The following RAB3GAP1 variants were observed in gnomAD, a reference collection of about 807,000 sequenced individuals.
RAB3GAP1 encodes the protein rab3 GTPase-activating protein catalytic subunit.
A neutral mutation model predicts 130.7 loss-of-function variants in RAB3GAP1; 86 were observed. That is an observed-to-expected ratio of 0.66 (90% CI 0.55 to 0.79). The LOEUF is 0.79. RAB3GAP1 is among the 30% of genes least tolerant of loss of function. The probability of loss-of-function intolerance (pLI) is 0.00; values close to 1 mark genes in which losing one functional copy is unlikely to be tolerated. For synonymous variants in RAB3GAP1, 367 were observed against 401.7 expected (o/e 0.91, Z 1.03); for missense variants, 1,029 against 1,169.4 (o/e 0.88, Z 1.75).
chr2:135,103,401 GT>G (rs1016611663), intron 5 of RAB3GAP1, among the ~76,000 whole-genome samples: 2 of 152,108 alleles, frequency 1.3e-5, no homozygotes, highest in African/African-American at 4.8e-5. Flanking sequence ...GAACCTGACA[GT>G]TTTGAGAAAC....
chr2:135,109,975 T>C (rs1690750912), intron 5 of RAB3GAP1, among the ~76,000 whole-genome samples: 1 of 152,108 alleles, frequency 6.6e-6, no homozygotes, highest in Non-Finnish European at 1.5e-5. Context: ...TGATTTTCGC[T>C]TATTTTTTTT....
Position 135,170,599 on chromosome 2 carries a change from ACT to A in RAB3GAP1, c.*1821_*1822del, listed in dbSNP as rs1163021836. 1 of 152,194 alleles carries A rather than the reference ACT, an allele frequency of 6.6e-6. No individual in the cohort carries two copies. The highest frequency in any genetic ancestry group is 2.4e-5 in the African/African-American group (1 of 41,452). 9.4% of individuals were successfully genotyped at this position (152,194 alleles called of 1,614,324 possible). On this transcript the variant is annotated 3_prime_UTR_variant, in exon 24 of 24. Coordinates refer to ENST00000264158, the MANE Select transcript of RAB3GAP1 (RefSeq NM_012233.3). ...TGCCACAAAATGTTGAGTATAGTCA[ACT>A]CTGCTGTGTGGATCGGAGGGCCTGC...
At position 135,130,978 on chromosome 2, in the gene RAB3GAP1, G is replaced by C. The variant is rs146921207; in HGVS notation, c.1236+257G>C. Among the ~76,000 whole-genome samples, 1,635 of 152,326 alleles carry C rather than the reference G, an allele frequency of 0.011. 15 individuals are homozygous for C. The highest frequency in any genetic ancestry group is 0.048 in the Middle Eastern group (14 of 294). ...GCATTTGTCTCTGTCTGGGCAGTGG[G>C]AATCAGGGAAGGCTTCATGAAGAGG... On this transcript the variant is annotated intron_variant, in intron 13 of 23. Transcript: ENST00000264158.
At chr2:135,093,739 G>A in intron 5 of RAB3GAP1, 46 bp downstream of exon 5, 1 of 1,394,154 alleles carries the variant, frequency 7.2e-7, no homozygotes, top group Non-Finnish European at 1.0e-6. Flanking sequence ...TGTGTTGCGG[G>A]GGACCTCAAC....
rs139028344 is a variant in RAB3GAP1, at chr2:135,114,805, G to A, written c.483-411G>A. ...CATCACAACCTTCTTGTGCTTGGGA[G>A]CCTTACTTTATCTTTAAATGATGTG... On this transcript the variant is annotated intron_variant, in intron 6 of 23. Coordinates refer to ENST00000264158, the MANE Select transcript of RAB3GAP1 (RefSeq NM_012233.3). 4.1e-3 allele frequency among the ~76,000 whole-genome samples: 622 copies of A among 152,274 alleles called. 7 individuals are homozygous for A. Among genetic ancestry groups the A allele is most frequent in the African/African-American group, 0.014 (600 of 41,550 alleles).
intron 5 of RAB3GAP1, among the ~76,000 whole-genome samples, chr2:135,112,455 A>G (rs768759790): frequency 6.6e-6 from 1 of 152,230 alleles, no homozygotes; most frequent in African/African-American, 2.4e-5. Flanking sequence ...GGATGAAGCA[A>G]TGAAGGCAAG....
chr2:135,141,664 CTTTTCTTTTGGAAG>C (rs1464349131), intron 17 of RAB3GAP1, among the ~76,000 whole-genome samples: 2 of 152,076 alleles, frequency 1.3e-5, no homozygotes, highest in Non-Finnish European at 2.9e-5. Flanking sequence ...AAGATATTTT[CTTTTCTTTTGGAAG>C]CTTTATTGTT....
chr2:135,064,637 G>A (rs577548497), intron 3 of RAB3GAP1, among the ~76,000 whole-genome samples: 1 of 148,792 alleles, frequency 6.7e-6, no homozygotes, highest in East Asian at 1.9e-4. Context: ...ATTATAGCTA[G>A]TCTAATGCCA....
chr2:135,146,199 CTT>C (rs1173567563), intron 17 of RAB3GAP1, among the ~76,000 whole-genome samples: 18 of 96,566 alleles, frequency 1.9e-4, no homozygotes, highest in Middle Eastern at 8.3e-3. Flanking sequence ...CATATTTGTT[CTT>C]TTTTTTTTTT....
At chr2:135,146,979 C>T (rs1251477918) in intron 17 of RAB3GAP1, among the ~76,000 whole-genome samples, 1 of 150,772 alleles carries the variant, frequency 6.6e-6, no homozygotes, top group Admixed American at 6.6e-5. Flanking sequence ...TAAACACACA[C>T]ACACACACAC....
chr2:135,064,578 G>A (rs1689263541), intron 3 of RAB3GAP1, among the ~76,000 whole-genome samples: 1 of 151,724 alleles, frequency 6.6e-6, no homozygotes, highest in African/African-American at 2.4e-5. Flanking sequence ...CTCTAAGTTT[G>A]TTTGAAACTT....
intron 4 of RAB3GAP1, among the ~76,000 whole-genome samples, chr2:135,092,146 A>G (rs140722665): frequency 6.6e-6 from 1 of 152,340 alleles, no homozygotes; most frequent in African/African-American, 2.4e-5. Context: ...TATGTAAGGC[A>G]GTTATACAGC....
chr2:135,144,105 C>T (rs1258453957), intron 17 of RAB3GAP1, among the ~76,000 whole-genome samples: 2 of 152,190 alleles, frequency 1.3e-5, no homozygotes, highest in Admixed American at 1.3e-4. Flanking sequence ...CAGCTTAGCT[C>T]TCAGCTGGGC....
rs185100065 is a variant in RAB3GAP1 at position 135,092,562 on chromosome 2, A to G, written c.284-1053A>G. On this transcript the variant is annotated intron_variant, in intron 4 of 23. Coordinates refer to ENST00000264158, the MANE Select transcript of RAB3GAP1 (RefSeq NM_012233.3). ...AGCAAATCTCCTGCCTCAGCTTCCA[A>G]AGTTGCTGGTATTACAGGCACCAAT... 9.1e-4 allele frequency among the ~76,000 whole-genome samples: 138 copies of G among 152,172 alleles called. 1 individual carries two copies. Among genetic ancestry groups the G allele is most frequent in the African/African-American group, 3.0e-3 (124 of 41,524 alleles).
At position 135,052,413 on chromosome 2, in the gene RAB3GAP1, C is replaced by T. The variant is rs368137841; in HGVS notation, c.19-17C>T. 1.4e-5 allele frequency: 23 copies of T among 1,614,036 alleles called. No homozygotes were observed. Among genetic ancestry groups the T allele is most frequent in the Non-Finnish European group, 1.9e-5 (23 of 1,180,054 alleles). ...CTTGGGGCTTAATTTCTTTTTCTCT[C>T]CTTCCCCTTCCCGCAGCCCGAATCC... On this transcript the variant is annotated splice_polypyrimidine_tract_variant and intron_variant, in intron 1 of 23. Coordinates refer to ENST00000264158, the MANE Select transcript of RAB3GAP1 (RefSeq NM_012233.3).
At chr2:135,101,706 A>G (rs1690453890) in intron 5 of RAB3GAP1, among the ~76,000 whole-genome samples, 1 of 152,106 alleles carries the variant, frequency 6.6e-6, no homozygotes, top group South Asian at 2.1e-4. Context: ...GATCAATTTT[A>G]TGTTCTTGGC....
At chr2:135,155,940 TTAATC>T (rs765924293) in intron 19 of RAB3GAP1, among the ~76,000 whole-genome samples, 3 of 151,880 alleles carry the variant, frequency 2.0e-5, no homozygotes, top group Non-Finnish European at 2.9e-5. Context: ...ATTAGCTAAT[TTAATC>T]AAGAAAAGGG....
At chr2:135,094,052 A>C (rs1471556654) in intron 5 of RAB3GAP1, among the ~76,000 whole-genome samples, 4 of 152,146 alleles carry the variant, frequency 2.6e-5, no homozygotes, top group Non-Finnish European at 2.9e-5. Flanking sequence ...GCACCCTTTA[A>C]CTGGTATATA....
At chr2:135,079,500 A>G (rs1415996434) in intron 3 of RAB3GAP1, among the ~76,000 whole-genome samples, 2 of 152,160 alleles carry the variant, frequency 1.3e-5, no homozygotes, top group African/African-American at 2.4e-5. Flanking sequence ...ATAGGCTTCC[A>G]TGGTCAGGTC....
Sources: gnomAD v4.1 joint callset for allele counts (sites outside exome capture counted in the v4.1 genomes callset) on GRCh38, gnomAD v4.1.1 for gene constraint, MANE v1.5 for transcripts, NCBI Gene and HGNC (gene_info 2026-07-23, HGNC 2026-07-21) for gene names.